Variants in FAT3 observed in about 807,000 individuals in gnomAD.
FAT3 encodes the protein protocadherin Fat 3.
In FAT3, 95 loss-of-function variants were observed where a neutral mutation model predicts 310.2. The observed-to-expected ratio is 0.31, with a 90% CI of 0.26 to 0.36. The LOEUF is 0.36. Ranked by LOEUF, FAT3 falls within the 10% of genes least tolerant of loss-of-function variation. The probability of loss-of-function intolerance (pLI) is 1.00; values close to 1 mark genes in which losing one functional copy is unlikely to be tolerated. For synonymous variants in FAT3, 2,314 were observed against 2,192.9 expected, an observed-to-expected ratio of 1.06 and a Z score of -1.54; for missense variants, 5,408 against 5,715.6, an observed-to-expected ratio of 0.95 and a Z score of 1.74.
At chr11:92,554,331 A>G (rs2926043) in intron 3 of FAT3, among the ~76,000 whole-genome samples, 81,980 of 151,178 alleles carry the variant, frequency 0.54, 22,884 homozygotes, top group East Asian at 0.78. Flanking sequence ...GCGTGGTGGC[A>G]GGTGCCTGTA....
intron 3 of FAT3, among the ~76,000 whole-genome samples, chr11:92,569,560 C>A (rs1006513099): frequency 6.6e-6 from 1 of 152,134 alleles, no homozygotes; most frequent in African/African-American, 2.4e-5. Flanking sequence ...CAAGAGAAAT[C>A]GGTGAGTTTG....
At chr11:92,542,848 C>T (rs111541123) in intron 3 of FAT3, among the ~76,000 whole-genome samples, 2 of 151,986 alleles carry the variant, frequency 1.3e-5, no homozygotes, top group Non-Finnish European at 2.9e-5. Flanking sequence ...GAAATGAAAT[C>T]GGTATATTGA....
At chr11:92,846,322 C>CA (rs149699195) in intron 19 of FAT3, among the ~76,000 whole-genome samples, 2,140 of 152,134 alleles carry the variant, frequency 0.014, 48 homozygotes, top group African/African-American at 0.049. Flanking sequence ...AGATTCAAAG[C>CA]AAAAAAGATA....
chr11:92,659,522 A>G (rs1352979932), intron 3 of FAT3, among the ~76,000 whole-genome samples: 1 of 152,144 alleles, frequency 6.6e-6, no homozygotes, highest in East Asian at 1.9e-4. Flanking sequence ...CACAAATATT[A>G]TCTTACACCT....
intron 3 of FAT3, among the ~76,000 whole-genome samples, chr11:92,629,245 A>G (rs1177948601): frequency 6.6e-6 from 1 of 152,180 alleles, no homozygotes; most frequent in Non-Finnish European, 1.5e-5. Flanking sequence ...GGGAAAATTC[A>G]GTTACTCATA....
chr11:92,491,379 TCACA>T (rs1417711035), intron 2 of FAT3, among the ~76,000 whole-genome samples: 3 of 152,006 alleles, frequency 2.0e-5, no homozygotes, highest in Non-Finnish European at 4.4e-5. Context: ...GCCCTACCTT[TCACA>T]CAAAGAATTG....
intron 4 of FAT3, among the ~76,000 whole-genome samples, chr11:92,705,820 A>G (rs921143987): frequency 1.7e-3 from 12 of 6,914 alleles, no homozygotes; most frequent in South Asian, 7.2e-3. Context: ...TGGTGGTGTG[A>G]TGGTGGTGGT....
chr11:92,877,637 A>G (rs1299000423), intron 22 of FAT3, among the ~76,000 whole-genome samples: 1 of 152,194 alleles, frequency 6.6e-6, no homozygotes, highest in East Asian at 1.9e-4. Context: ...CTACTGACTC[A>G]GTTTTACAGT....
At position 92,507,698 on chromosome 11, in the gene FAT3, A is replaced by C. The variant is rs530501722; in HGVS notation, c.3293-16936A>C. ...CATATGCACACATGTGTACATATAC[A>C]TGTATATATACAACATATACATGTA... is the stretch of plus-strand genomic sequence containing the variant. On this transcript the variant is annotated intron_variant, in intron 2 of 27. Transcript: ENST00000525166. Among the ~76,000 whole-genome samples the C allele has an allele frequency of 2.8e-3, 431 of 152,048 alleles. 1 individual carries two copies. The highest frequency in any genetic ancestry group is 9.8e-3 in the African/African-American group (406 of 41,486).
At chr11:92,287,824 C>T (rs2134384339) in intron 1 of FAT3, among the ~76,000 whole-genome samples, 1 of 152,266 alleles carries the variant, frequency 6.6e-6, no homozygotes, top group East Asian at 1.9e-4. Context: ...TCCCAGGTAG[C>T]AGCTCTTCTA....
intron 1 of FAT3, chr11:92,336,449 T>G (rs1948085522): frequency 3.2e-6 from 1 of 312,138 alleles, no homozygotes; most frequent in Non-Finnish European, 6.2e-6. Flanking sequence ...GCATCACCAC[T>G]GCCGCCAAAA....
At chr11:92,352,011 A>G in intron 1 of FAT3, 85 bp from the exon 2 acceptor site, 1 of 885,908 alleles carries the variant, frequency 1.1e-6, no homozygotes, top group Non-Finnish European at 1.4e-6. Flanking sequence ...TTTAAAAAGC[A>G]TGGCTTCCTA....
chr11:92,359,971 T>C (rs1262523415), intron 2 of FAT3, among the ~76,000 whole-genome samples: 2 of 149,436 alleles, frequency 1.3e-5, no homozygotes, highest in Admixed American at 1.3e-4. Flanking sequence ...GCAGCATGAT[T>C]TATAGTCCTT....
At chr11:92,788,142 C>A (rs1054293867) in intron 7 of FAT3, among the ~76,000 whole-genome samples, 5 of 152,016 alleles carry the variant, frequency 3.3e-5, no homozygotes, top group Non-Finnish European at 7.4e-5. Flanking sequence ...CAAGATAACA[C>A]TGGAAAAAAT....
At chr11:92,643,521 A>G in intron 3 of FAT3, among the ~76,000 whole-genome samples, 1 of 152,220 alleles carries the variant, frequency 6.6e-6, no homozygotes, top group Non-Finnish European at 1.5e-5. Flanking sequence ...CATCTTGTCC[A>G]TCTGTGAAAT....
intron 1 of FAT3, among the ~76,000 whole-genome samples, chr11:92,301,826 T>C (rs1947006174): frequency 1.3e-5 from 2 of 152,100 alleles, no homozygotes; most frequent in South Asian, 4.1e-4. Context: ...TGTTGTTTGT[T>C]GTTTGTTTAG....
chr11:92,533,323 C>A lies in FAT3; in HGVS notation c.3607+8375C>A, dbSNP rs111439591. Among the ~76,000 whole-genome samples, 1,380 of 152,236 alleles carry A rather than the reference C, an allele frequency of 9.1e-3. 25 individuals are homozygous for A. Among genetic ancestry groups the A allele is most frequent in the African/African-American group, 0.032 (1,315 of 41,544 alleles). On this transcript the variant is annotated intron_variant, in intron 3 of 27. Coordinates refer to ENST00000525166, the MANE Select transcript of FAT3 (RefSeq NM_001367949.2). ...AGGCATAAGCCACTACACATAGCCC[C>A]TGAGCCACGTGCTGGATCCCCATCT...
chr11:92,828,104 A>G (rs559339107), intron 13 of FAT3, among the ~76,000 whole-genome samples: 1 of 152,100 alleles, frequency 6.6e-6, no homozygotes, highest in South Asian at 2.1e-4. Flanking sequence ...CCAATTAGCA[A>G]GCAAGTCTTC....
At chr11:92,731,272 G>T (rs1945170579) in intron 4 of FAT3, among the ~76,000 whole-genome samples, 1 of 152,010 alleles carries the variant, frequency 6.6e-6, no homozygotes, top group East Asian at 1.9e-4. Flanking sequence ...TACCTCCAGG[G>T]GACATTTAGA....
Sources: allele counts gnomAD v4.1 joint callset (sites outside exome capture counted in the v4.1 genomes callset), GRCh38; gene constraint gnomAD v4.1.1; transcripts MANE v1.5; gene names NCBI Gene and HGNC (gene_info 2026-07-23, HGNC 2026-07-21).